Variants in DPP6 observed in about 807,000 individuals in gnomAD.
DPP6 encodes the protein A-type potassium channel modulatory protein DPP6.
DPP6 carries 69 observed loss-of-function variants against 122.6 expected under a neutral mutation model. The ratio of observed to expected loss-of-function variants is 0.56; its 90% CI spans 0.46 to 0.69. The LOEUF (loss-of-function observed/expected upper bound fraction) is 0.69. Among genes scored for constraint, DPP6 ranks in the 30% least tolerant of loss-of-function variants. The pLI is 0.00. For missense variants in DPP6, 928 were observed against 1,116.9 expected (o/e 0.83, Z 2.41); for synonymous variants, 418 against 433.1 (o/e 0.97, Z 0.43).
the DPP6 span, among the ~76,000 whole-genome samples, chr7:153,824,006 G>A: frequency 5.3e-3 from 802 of 152,214 alleles, 3 homozygotes; most frequent in African/African-American, 0.018. Context: ...ATGTGTTTCA[G>A]GAGAAACTCA....
intron 1 of DPP6, among the ~76,000 whole-genome samples, chr7:154,292,246 A>G (rs1805256239): frequency 1.3e-5 from 2 of 152,132 alleles, no homozygotes; most frequent in Admixed American, 6.5e-5. Flanking sequence ...GAAAATATAT[A>G]TATACCAGAT....
chr7:154,768,513 A>G (rs1024985150), intron 8 of DPP6, among the ~76,000 whole-genome samples: 2 of 152,220 alleles, frequency 1.3e-5, no homozygotes, highest in Non-Finnish European at 2.9e-5. Flanking sequence ...AGTTTACACT[A>G]TATATAGACC....
chr7:154,737,394 T>C (rs1842618021), intron 8 of DPP6, among the ~76,000 whole-genome samples: 2 of 152,242 alleles, frequency 1.3e-5, no homozygotes, highest in African/African-American at 4.8e-5. Context: ...TTAAATCATC[T>C]CTAAATCACT....
rs71182861 is a variant in DPP6 at position 153,961,804 on chromosome 7, C to CCTCACATG, written c.51+74074_51+74075insCATGCTCA. Among the ~76,000 whole-genome samples, 67 of 38,418 alleles carry CCTCACATG rather than the reference C, an allele frequency of 1.7e-3. 3 individuals are homozygous for CCTCACATG. Among genetic ancestry groups the CCTCACATG allele is most frequent in the Middle Eastern group, 8.9e-3 (1 of 112 alleles). The allele number at this position is 38,418 out of a possible 152,430, so 25.2% of individuals were successfully genotyped here. On this transcript the variant is annotated intron_variant, in intron 1 of 25. Transcript: ENST00000404039. ...TCATAAGGAGCTGACAACCTAGATCCCTCAGTTCACAGTAGGGTTTGCACT... is the reference window on the plus strand; with the variant it reads ...TCATAAGGAGCTGACAACCTAGATCCCTCACATGCTCAGTTCACAGTAGGGTTTGCACT...
intron 1 of DPP6, among the ~76,000 whole-genome samples, chr7:154,207,182 G>C (rs899898584): frequency 6.6e-6 from 1 of 152,204 alleles, no homozygotes; most frequent in African/African-American, 2.4e-5. Flanking sequence ...TCTAATGACT[G>C]TCTGGTGCTT....
chr7:153,994,370 G>A (rs1306514078), intron 1 of DPP6, among the ~76,000 whole-genome samples: 3 of 151,796 alleles, frequency 2.0e-5, no homozygotes, highest in Non-Finnish European at 4.4e-5. Flanking sequence ...TGGAGTACGT[G>A]ATAATGCACT....
chr7:153,868,746 G>A, the DPP6 span, among the ~76,000 whole-genome samples: 223 of 151,880 alleles, frequency 1.5e-3, 1 homozygote, highest in African/African-American at 5.1e-3. Context: ...GTGATGTTAG[G>A]GTGTCAATTT....
chr7:153,955,964 C>T (rs1400448619), intron 1 of DPP6, among the ~76,000 whole-genome samples: 1 of 152,140 alleles, frequency 6.6e-6, no homozygotes, highest in Non-Finnish European at 1.5e-5. Context: ...GCCCTTCATC[C>T]CATCCCACCA....
chr7:154,546,812 C>T (rs1365119277), intron 4 of DPP6, among the ~76,000 whole-genome samples: 3 of 152,216 alleles, frequency 2.0e-5, no homozygotes, highest in African/African-American at 4.8e-5. Context: ...CAGAGGAACT[C>T]CAGAATGTGG....
At chr7:153,814,979 A>G in the DPP6 span, among the ~76,000 whole-genome samples, 1 of 152,200 alleles carries the variant, frequency 6.6e-6, no homozygotes, top group Non-Finnish European at 1.5e-5. Flanking sequence ...AGAGCTATCT[A>G]TGACAAACCC....
chr7:154,136,115 T>A (rs1171046658), intron 1 of DPP6, among the ~76,000 whole-genome samples: 1 of 152,222 alleles, frequency 6.6e-6, no homozygotes, highest in Non-Finnish European at 1.5e-5. Flanking sequence ...GTTTCTCCAA[T>A]GCCAGTTCAT....
chr7:154,831,689 A>G (rs1397936447), intron 16 of DPP6, among the ~76,000 whole-genome samples: 2 of 152,220 alleles, frequency 1.3e-5, no homozygotes, highest in Non-Finnish European at 2.9e-5. Context: ...TTTATTAGCC[A>G]TAATCAAGTT....
chr7:154,731,201 G>A (rs1586975413), intron 8 of DPP6, among the ~76,000 whole-genome samples: 1 of 152,134 alleles, frequency 6.6e-6, no homozygotes, highest in African/African-American at 2.4e-5. Context: ...AAGTTAGGGG[G>A]TGGGGGGAGA....
the DPP6 span, among the ~76,000 whole-genome samples, chr7:153,862,893 T>C: frequency 6.6e-6 from 1 of 151,704 alleles, no homozygotes; most frequent in Non-Finnish European, 1.5e-5. Context: ...ATTTCCTTAA[T>C]GCAAAAAAAA....
At chr7:154,665,266 C>G (rs1350379449) in intron 6 of DPP6, among the ~76,000 whole-genome samples, 1 of 152,092 alleles carries the variant, frequency 6.6e-6, no homozygotes, top group Non-Finnish European at 1.5e-5. Flanking sequence ...TGATGTTGGC[C>G]TTGGTCATTT....
At chr7:154,642,103 G>T (rs922800121) in intron 6 of DPP6, among the ~76,000 whole-genome samples, 1 of 152,164 alleles carries the variant, frequency 6.6e-6, no homozygotes, top group African/African-American at 2.4e-5. Context: ...CTGTTTATTT[G>T]GGAAGTAGAT....
chr7:154,306,849 C>T (rs1355344201), intron 1 of DPP6, among the ~76,000 whole-genome samples: 5 of 152,160 alleles, frequency 3.3e-5, no homozygotes, highest in Non-Finnish European at 7.4e-5. Context: ...AGGTTCAAAA[C>T]AGACAAACCA....
chr7:154,768,232 C>G (rs1385244842), intron 8 of DPP6, among the ~76,000 whole-genome samples: 1 of 151,958 alleles, frequency 6.6e-6, no homozygotes, highest in Non-Finnish European at 1.5e-5. Context: ...TCCCGCAGAA[C>G]CTGGGAGGCT....
the DPP6 span, among the ~76,000 whole-genome samples, chr7:153,800,412 C>T: frequency 4.6e-5 from 7 of 152,048 alleles, no homozygotes; most frequent in East Asian, 1.9e-4. Flanking sequence ...TGGTTACAGA[C>T]GCTGGGAATG....
Sources: allele counts gnomAD v4.1 joint callset (sites outside exome capture counted in the v4.1 genomes callset), GRCh38; gene constraint gnomAD v4.1.1; transcripts MANE v1.5; gene names NCBI Gene and HGNC (gene_info 2026-07-23, HGNC 2026-07-21).